Variants in ABCB4 observed in about 807,000 individuals in gnomAD.
The protein encoded by ABCB4 is phosphatidylcholine translocator ABCB4.
A neutral mutation model predicts 145.7 loss-of-function variants in ABCB4; 76 were observed. The observed-to-expected ratio is 0.52, with a 90% CI of 0.43 to 0.63. The LOEUF (loss-of-function observed/expected upper bound fraction) is 0.63. ABCB4 is among the 30% of genes least tolerant of loss of function. The pLI, the probability that ABCB4 is intolerant of heterozygous loss-of-function variation, is 0.00. For missense variants in ABCB4, 1,234 were observed against 1,553.1 expected (o/e 0.79, Z 3.45); for synonymous variants, 517 against 566.8 (o/e 0.91, Z 1.25).
the ABCB4 span, among the ~76,000 whole-genome samples, chr7:87,393,489 A>G: frequency 6.6e-6 from 1 of 152,214 alleles, no homozygotes; most frequent in Non-Finnish European, 1.5e-5. Flanking sequence ...CAGTTTTACC[A>G]ATTCAGATGC....
rs377564625 is a variant in ABCB4, at chr7:87,430,547, CAG to C, written c.1893+855_1893+856del. On this transcript the variant is annotated intron_variant, in intron 15 of 27. Transcript: ENST00000649586. ...TCTTTTCTTTCTTTTTTCTCTGAGA[CAG>C]AGTCTCGCTCTGTCACTCAGGCTGG... Among the ~76,000 whole-genome samples the C allele has an allele frequency of 3.9e-5, 6 of 152,188 alleles. No individual in the cohort carries two copies. In the East Asian group the frequency reaches 1.2e-3, roughly 29 times the overall value.
At chr7:87,391,123 C>T in the ABCB4 span, among the ~76,000 whole-genome samples, 1 of 152,324 alleles carries the variant, frequency 6.6e-6, no homozygotes, top group South Asian at 2.1e-4. Flanking sequence ...AGTTTTCTGC[C>T]GCTAGGGCCT....
intron 9 of ABCB4, among the ~76,000 whole-genome samples, chr7:87,445,245 C>T (rs1259708330): frequency 1.3e-5 from 2 of 152,034 alleles, no homozygotes; most frequent in African/African-American, 2.4e-5. Flanking sequence ...TCACAAATGC[C>T]ACCAGAAAGA....
chr7:87,418,700 A>C, intron 19 of ABCB4, 80 bp from the exon 20 acceptor site: 7 of 1,370,044 alleles, frequency 5.1e-6, no homozygotes, highest in South Asian at 1.2e-5. Flanking sequence ...CCAAAGCTCC[A>C]ATGCTGAGGA....
intron 7 of ABCB4, 126 bp downstream of exon 7, chr7:87,451,497 T>C (rs1811728159): frequency 1.0e-6 from 1 of 971,254 alleles, no homozygotes; most frequent in South Asian, 1.4e-5. Context: ...TAACACCATG[T>C]TACTGGATGT....
intron 4 of ABCB4, among the ~76,000 whole-genome samples, chr7:87,461,473 C>G (rs1199661225): frequency 6.6e-6 from 1 of 152,126 alleles, no homozygotes; most frequent in African/African-American, 2.4e-5. Flanking sequence ...CCTCTCCAAG[C>G]CTTGGTTTTG....
At chr7:87,445,856 G>C (rs1811310637) in intron 9 of ABCB4, among the ~76,000 whole-genome samples, 1 of 152,180 alleles carries the variant, frequency 6.6e-6, no homozygotes, top group Non-Finnish European at 1.5e-5. Context: ...TCTATGCAGA[G>C]GGCTTTGCTT....
the ABCB4 span, among the ~76,000 whole-genome samples, chr7:87,374,070 G>A: frequency 2.0e-5 from 3 of 152,028 alleles, no homozygotes; most frequent in Non-Finnish European, 4.4e-5. Flanking sequence ...AATGGAAAGC[G>A]ATGAAGCAGA....
At chr7:87,388,655 C>T in the ABCB4 span, among the ~76,000 whole-genome samples, 1 of 152,130 alleles carries the variant, frequency 6.6e-6, no homozygotes, top group African/African-American at 2.4e-5. Flanking sequence ...AAACATAAGA[C>T]CTAAACCCAT....
At chr7:87,433,987 T>C (rs35286172) in intron 14 of ABCB4, among the ~76,000 whole-genome samples, 1 of 151,632 alleles carries the variant, frequency 6.6e-6, no homozygotes, top group South Asian at 2.1e-4. Context: ...TGGAATGCAG[T>C]GGCATGATCT....
At chr7:87,470,624 T>C (rs1364478979) in intron 3 of ABCB4, among the ~76,000 whole-genome samples, 3 of 152,162 alleles carry the variant, frequency 2.0e-5, no homozygotes. Flanking sequence ...AAAATGCTCA[T>C]GATCACTGGC....
intron 10 of ABCB4, among the ~76,000 whole-genome samples, chr7:87,444,193 A>T (rs1811185964): frequency 6.6e-6 from 1 of 152,198 alleles, no homozygotes; most frequent in Non-Finnish European, 1.5e-5. Flanking sequence ...TGAATTGAGA[A>T]GATTGAATGG....
At chr7:87,430,519 T>C (rs1444037789) in intron 15 of ABCB4, among the ~76,000 whole-genome samples, 2 of 152,012 alleles carry the variant, frequency 1.3e-5, no homozygotes, top group East Asian at 3.9e-4. Context: ...AATGAATGAG[T>C]GCTCTTTTCT....
chr7:87,375,650 CAAG>C, the ABCB4 span: 1 of 1,612,868 alleles, frequency 6.2e-7, no homozygotes. Context: ...CATATATCCA[CAAG>C]AAGTGCCATA....
At chr7:87,449,684 T>G (rs1316812982) in intron 8 of ABCB4, among the ~76,000 whole-genome samples, 1 of 152,122 alleles carries the variant, frequency 6.6e-6, no homozygotes, top group Non-Finnish European at 1.5e-5. Flanking sequence ...GCTACCCTCC[T>G]GCCTTGGCTT....
the ABCB4 span, chr7:87,392,598 T>C: frequency 6.2e-7 from 1 of 1,613,582 alleles, no homozygotes; most frequent in Non-Finnish European, 8.5e-7. Flanking sequence ...TGTTACAAGC[T>C]TTTGCAAAGC....
Position 87,439,807 on chromosome 7 carries a change from C to T in ABCB4, c.1591G>A (p.Ala531Thr). 6.2e-7 allele frequency: 1 copy of T among 1,614,146 alleles called. No homozygotes were observed. The highest frequency in any genetic ancestry group is 8.5e-7 in the Non-Finnish European group (1 of 1,180,018). Residue 531 changes from alanine to threonine, a missense_variant, in exon 14 of 28, where the codon GCC becomes ACC. Around this residue, in one of 7 missense-constraint regions of ABCB4, gnomAD observed 467 missense variants for 632.8 expected, o/e 0.74. Transcript: ENST00000649586. Reference protein sequence around the residue: ...KFDTLVGERGAQLSGGQKQRI... With the variant: ...KFDTLVGERGTQLSGGQKQRI... ...TGCTTCTGCCCACCACTCAGCTGGG[C>T]CCCTCTCTCTCCAACCAGGGTGTCA...
chr7:87,432,162 A>G (rs1345417360), intron 14 of ABCB4, among the ~76,000 whole-genome samples: 2 of 152,222 alleles, frequency 1.3e-5, no homozygotes, highest in African/African-American at 4.8e-5. Flanking sequence ...ATTTTTATGC[A>G]TGCTAAAATC....
At chr7:87,407,757 C>T (rs1172854630) in intron 25 of ABCB4, among the ~76,000 whole-genome samples, 1 of 152,112 alleles carries the variant, frequency 6.6e-6, no homozygotes, top group Non-Finnish European at 1.5e-5. Context: ...GCCAGTAAGT[C>T]AGTATTTGCT....
Sources: gnomAD v4.1 joint callset for allele counts (sites outside exome capture counted in the v4.1 genomes callset) on GRCh38, gnomAD v4.1.1 for gene constraint, gnomAD v4.1.1 regional missense constraint, MANE v1.5 for transcripts, NCBI Gene and HGNC (gene_info 2026-07-23, HGNC 2026-07-21) for gene names.